Variants in CYLD observed in about 807,000 individuals in gnomAD.
CYLD encodes CYLD lysine 63 deubiquitinase.
CYLD carries 26 observed loss-of-function variants against 104.5 expected under a neutral mutation model. The ratio of observed to expected loss-of-function variants is 0.25; its 90% confidence interval spans 0.18 to 0.35. The LOEUF (loss-of-function observed/expected upper bound fraction) is 0.35. Among genes scored for constraint, CYLD ranks in the 10% least tolerant of loss-of-function variants. The pLI, the probability that CYLD is intolerant of heterozygous loss-of-function variation, is 1.00. For synonymous variants in CYLD, 385 were observed against 399.9 expected (o/e 0.96, Z 0.45); for missense variants, 703 against 1,136.1 (o/e 0.62, Z 5.48).
chr16:50,794,185 T>A lies in CYLD; in HGVS notation c.2470-27T>A. Reference sequence around the variant, plus strand: ...TCGTGATCCACCAGCCTCGGCCTAATGACATTCTTTTCATGGTCCATTTTA... The same window carrying A: ...TCGTGATCCACCAGCCTCGGCCTAAAGACATTCTTTTCATGGTCCATTTTA... On this transcript the variant is annotated intron_variant, in intron 17 of 18. Transcript: ENST00000427738. This position sits in a 1 kb window ranked among gnomAD's most constrained non-coding sequence, Gnocchi z 4.1. The A allele has an allele frequency of 1.2e-6, 2 of 1,600,544 alleles. No individual in the cohort carries two copies. Among genetic ancestry groups the A allele is most frequent in the Non-Finnish European group, 1.7e-6 (2 of 1,168,168 alleles).
At chr16:50,787,887 A>G in intron 14 of CYLD, 35 bp downstream of exon 14, 1 of 1,214,718 alleles carries the variant, frequency 8.2e-7, no homozygotes. Context: ...CATTGGAAAA[A>G]TAGACAATTC....
intron 14 of CYLD, among the ~76,000 whole-genome samples, chr16:50,790,148 A>G (rs1597082111): frequency 6.6e-6 from 1 of 152,252 alleles, no homozygotes; most frequent in African/African-American, 2.4e-5. Context: ...TGAAATTCTA[A>G]GAATAAAAAT....
intron 6 of CYLD, among the ~76,000 whole-genome samples, chr16:50,775,390 T>G (rs1969571149): frequency 6.6e-6 from 1 of 152,226 alleles, no homozygotes; most frequent in African/African-American, 2.4e-5. Flanking sequence ...GTGAGTGTTT[T>G]CTTCAAATAT....
intron 5 of CYLD, among the ~76,000 whole-genome samples, chr16:50,767,852 G>A (rs1350903100): frequency 6.6e-6 from 1 of 152,112 alleles, no homozygotes; most frequent in Non-Finnish European, 1.5e-5. Context: ...GGGTTCTACA[G>A]TAGCACTTAA....
chr16:50,772,518 T>C (rs1969261737), intron 5 of CYLD, among the ~76,000 whole-genome samples: 2 of 152,232 alleles, frequency 1.3e-5, no homozygotes, highest in African/African-American at 4.8e-5. Flanking sequence ...GTACATAAGT[T>C]GTATACTTGG....
intron 8 of CYLD, among the ~76,000 whole-genome samples, chr16:50,778,809 C>G (rs780341736): frequency 9.9e-5 from 15 of 152,070 alleles, no homozygotes; most frequent in Middle Eastern, 3.2e-3. Context: ...GCACCTGGAG[C>G]TGATTTTCAT....
chr16:50,779,070 T>C (rs1969962508), intron 8 of CYLD, among the ~76,000 whole-genome samples: 1 of 152,220 alleles, frequency 6.6e-6, no homozygotes, highest in Non-Finnish European at 1.5e-5. Flanking sequence ...GTTTGTTTTC[T>C]CTCTTCTGTT....
chr16:50,795,692 A>T, intron 18 of CYLD: 1 of 693,880 alleles, frequency 1.4e-6, no homozygotes, highest in South Asian at 1.5e-5. Context: ...TGCTTGAGGG[A>T]TACATCCCAG....
At position 50,796,597 on chromosome 16, in the gene CYLD, C is replaced by A; in HGVS notation, c.*89C>A. The A allele has an allele frequency of 1.5e-6, 2 of 1,312,842 alleles. No homozygotes were observed. The highest frequency in any genetic ancestry group is 2.2e-6 in the Non-Finnish European group (2 of 920,162). 81.3% of individuals were successfully genotyped at this position (1,312,842 alleles called of 1,614,324 possible). ...CTGGCAGTTCTGTTCACGTCCATTG[C>A]CGGCAATGGATGTCTTTGTGGTGAT... On this transcript the variant is annotated 3_prime_UTR_variant, in exon 19 of 19. Transcript: ENST00000427738.
intron 8 of CYLD, among the ~76,000 whole-genome samples, chr16:50,778,964 T>C (rs976614546): frequency 2.0e-5 from 3 of 152,216 alleles, no homozygotes; most frequent in Non-Finnish European, 4.4e-5. Flanking sequence ...TTTAAGAAAA[T>C]AGCTTTTGGC....
At chr16:50,755,529 G>A (rs1387685217) in intron 5 of CYLD, among the ~76,000 whole-genome samples, 1 of 152,022 alleles carries the variant, frequency 6.6e-6, no homozygotes, top group Non-Finnish European at 1.5e-5. Flanking sequence ...CCACATCCAT[G>A]CCAACATCTA....
chr16:50,780,955 G>C (rs1201879680), intron 9 of CYLD, among the ~76,000 whole-genome samples: 6 of 152,010 alleles, frequency 3.9e-5, no homozygotes, highest in African/African-American at 1.4e-4. Context: ...TTTAATGCTT[G>C]TAGAAATGGT....
chr16:50,759,060 G>A (rs981046845), intron 5 of CYLD, among the ~76,000 whole-genome samples: 1 of 151,964 alleles, frequency 6.6e-6, no homozygotes, highest in South Asian at 2.1e-4. Context: ...CCAACATGGC[G>A]AACCCCCCCG....
At chr16:50,770,468 G>A (rs1453876162) in intron 5 of CYLD, among the ~76,000 whole-genome samples, 1 of 108,268 alleles carries the variant, frequency 9.2e-6, no homozygotes, top group African/African-American at 3.5e-5. Flanking sequence ...TTTTTTTTTT[G>A]AGATGGAGTC....
At chr16:50,788,131 A>G (rs1281583610) in intron 14 of CYLD, among the ~76,000 whole-genome samples, 3 of 152,208 alleles carry the variant, frequency 2.0e-5, no homozygotes, top group East Asian at 3.8e-4. Flanking sequence ...AACTGTATAT[A>G]TATTTTCATA....
chr16:50,795,697 TC>T (rs1971970606), intron 18 of CYLD: 1 of 681,032 alleles, frequency 1.5e-6, no homozygotes, highest in Admixed American at 2.2e-5. Context: ...GAGGGATACA[TC>T]CCAGCCCCAT....
chr16:50,742,666 C>G, intron 1 of CYLD, 96 bp from the exon 2 acceptor site: 1 of 393,694 alleles, frequency 2.5e-6, no homozygotes, highest in East Asian at 3.6e-5. Flanking sequence ...GCGGGGCGTA[C>G]GTACCGATCG....
intron 5 of CYLD, among the ~76,000 whole-genome samples, chr16:50,755,173 G>A (rs1377898959): frequency 9.2e-5 from 3 of 32,546 alleles, no homozygotes; most frequent in East Asian, 3.3e-4. Flanking sequence ...GTGTACATAT[G>A]TGTGTGTATA....
At chr16:50,743,040 A>C (rs938713092) in intron 2 of CYLD, among the ~76,000 whole-genome samples, 199 bp downstream of exon 2, 1 of 152,116 alleles carries the variant, frequency 6.6e-6, no homozygotes, top group South Asian at 2.1e-4. Context: ...GATAGTTGTC[A>C]TCTTCCAGCC....
Sources: allele counts gnomAD v4.1 joint callset (sites outside exome capture counted in the v4.1 genomes callset), GRCh38; gene constraint gnomAD v4.1.1; non-coding constraint Gnocchi (gnomAD v3.1); transcripts MANE v1.5; gene names NCBI Gene and HGNC (gene_info 2026-07-23, HGNC 2026-07-21).